The following IFRD1 variants were observed in gnomAD, a reference collection of about 807,000 sequenced individuals.
The protein encoded by IFRD1 is interferon related developmental regulator 1.
In IFRD1, 35 loss-of-function variants were observed where a neutral mutation model predicts 52.9. The ratio of observed to expected loss-of-function variants is 0.66; its 90% confidence interval spans 0.51 to 0.88. The LOEUF (loss-of-function observed/expected upper bound fraction) is 0.88, where lower values mean the gene tolerates loss of function less well. Ranked by LOEUF, IFRD1 falls within the 40% of genes least tolerant of loss-of-function variation. The pLI, the probability that IFRD1 is intolerant of heterozygous loss-of-function variation, is 0.00. For missense variants in IFRD1, 517 were observed against 550.8 expected, an observed-to-expected ratio of 0.94 and a Z score of 0.61; for synonymous variants, 184 against 188.4, an observed-to-expected ratio of 0.98 and a Z score of 0.19.
chr7:112,460,945 A>G (rs1486834006), intron 5 of IFRD1, among the ~76,000 whole-genome samples: 7 of 152,216 alleles, frequency 4.6e-5, no homozygotes, highest in Non-Finnish European at 8.8e-5. Flanking sequence ...ATTTGTTAAA[A>G]CAAATGTTCT....
rs113587787 is a variant in IFRD1 at position 112,443,254 on chromosome 7, G to A, written c.-181-7254G>A. ...ATTTAAGATTCTCTGGTGGTTGGCC[G>A]TAAGATTAGTACTACCACACGGAGA... On this transcript the variant is annotated intron_variant, in intron 1 of 12. Coordinates refer to the IFRD1 transcript ENST00000005558. 6.4e-3 allele frequency among the ~76,000 whole-genome samples: 972 copies of A among 152,220 alleles called. 13 individuals are homozygous for A. Among genetic ancestry groups the A allele is most frequent in the African/African-American group, 0.021 (885 of 41,524 alleles).
chr7:112,457,338 T>C (rs1313921944), intron 4 of IFRD1: 2 of 520,482 alleles, frequency 3.8e-6, no homozygotes, highest in Non-Finnish European at 3.4e-6. Flanking sequence ...AGCTTGAAAG[T>C]GTGTGTCAGA....
At chr7:112,467,362 G>A (rs1353459023) in intron 8 of IFRD1, 5 of 152,392 alleles carry the variant, frequency 3.3e-5, no homozygotes, top group Non-Finnish European at 5.9e-5. Flanking sequence ...CTCAAATAAA[G>A]AGACTTCTTA....
upstream of IFRD1, among the ~76,000 whole-genome samples, chr7:112,447,608 A>T (rs116195521): frequency 0.016 from 2,422 of 152,338 alleles, 64 homozygotes; most frequent in African/African-American, 0.056. Context: ...CTGAAGAAAA[A>T]GGCAAAGTCT....
chr7:112,466,307 T>C (rs1468459), intron 8 of IFRD1, among the ~76,000 whole-genome samples: 34 of 152,202 alleles, frequency 2.2e-4, no homozygotes, highest in Admixed American at 3.9e-4. Flanking sequence ...CTACTTAGCA[T>C]TTAATTTTTC....
chr7:112,434,134 T>A (rs1794614814), intron 1 of IFRD1, among the ~76,000 whole-genome samples: 1 of 152,230 alleles, frequency 6.6e-6, no homozygotes, highest in Non-Finnish European at 1.5e-5. Flanking sequence ...TCTTATTTTT[T>A]AATTGATGAG....
chr7:112,427,257 A>T (rs1794447853), intron 1 of IFRD1, among the ~76,000 whole-genome samples: 1 of 152,224 alleles, frequency 6.6e-6, no homozygotes, highest in Non-Finnish European at 1.5e-5. Flanking sequence ...TCATGACCTA[A>T]ACACCTCCAA....
At chr7:112,465,843 G>A (rs1795594946) in intron 8 of IFRD1, among the ~76,000 whole-genome samples, 1 of 152,088 alleles carries the variant, frequency 6.6e-6, no homozygotes, top group Admixed American at 6.6e-5. Context: ...AAAAAGGTGA[G>A]TTCTATATAC....
chr7:112,441,112 A>G (rs1199047311), intron 1 of IFRD1, among the ~76,000 whole-genome samples: 1 of 152,080 alleles, frequency 6.6e-6, no homozygotes, highest in East Asian at 1.9e-4. Context: ...TGTCTTTACG[A>G]AAAACACAAA....
upstream of IFRD1, among the ~76,000 whole-genome samples, chr7:112,449,479 G>C (rs561432837): frequency 3.3e-5 from 5 of 152,292 alleles, no homozygotes; most frequent in African/African-American, 1.2e-4. Context: ...TCAGCTGAGA[G>C]GTGGAGTGGC....
intron 3 of IFRD1, 51 bp downstream of exon 3, chr7:112,456,137 T>C: frequency 9.9e-7 from 1 of 1,008,494 alleles, no homozygotes; most frequent in Non-Finnish European, 1.6e-6. Context: ...TTGATCTTAG[T>C]CAAAAGCTAA....
chr7:112,456,215 A>G (rs1795288339), intron 3 of IFRD1, 129 bp downstream of exon 3: 1 of 715,758 alleles, frequency 1.4e-6, no homozygotes, highest in South Asian at 1.5e-5. Flanking sequence ...CAGCTCTCAG[A>G]TAATAGCAAT....
chr7:112,445,319 G>A (rs1795002591), intron 1 of IFRD1, among the ~76,000 whole-genome samples: 1 of 152,048 alleles, frequency 6.6e-6, no homozygotes, highest in Non-Finnish European at 1.5e-5. Flanking sequence ...GCCCACCTTG[G>A]CCTCCCAGAG....
At chr7:112,450,415 A>C (rs1309319722), upstream of IFRD1, 3 of 499,116 alleles carry the variant, frequency 6.0e-6, no homozygotes, top group Non-Finnish European at 1.1e-5. Context: ...GAGTGACGTC[A>C]GGTGGCGGTA....
intron 8 of IFRD1, among the ~76,000 whole-genome samples, chr7:112,465,864 A>G (rs1795595801): frequency 6.6e-6 from 1 of 152,198 alleles, no homozygotes; most frequent in South Asian, 2.1e-4. Flanking sequence ...CTCCAAGTCT[A>G]GAATATTGAT....
chr7:112,465,198 C>G (rs1041285849), intron 8 of IFRD1, among the ~76,000 whole-genome samples: 1 of 152,096 alleles, frequency 6.6e-6, no homozygotes, highest in Non-Finnish European at 1.5e-5. Flanking sequence ...TGTGTCTGGC[C>G]TCAAGTTTTA....
At chr7:112,472,935 C>G in intron 11 of IFRD1, 74 bp downstream of exon 11, 1 of 950,276 alleles carries the variant, frequency 1.1e-6, no homozygotes, top group Non-Finnish European at 1.7e-6. Context: ...AGCAACTTAG[C>G]TGTGTCTACC....
At chr7:112,463,892 ACACCC>A (rs1563269740) in intron 8 of IFRD1, among the ~76,000 whole-genome samples, 1 of 17,930 alleles carries the variant, frequency 5.6e-5, no homozygotes, top group South Asian at 1.4e-3. Context: ...ACACACACAC[ACACCC>A]CACGTATCTT....
At chr7:112,463,807 CACAT>C (rs759796430) in intron 8 of IFRD1, among the ~76,000 whole-genome samples, 4 of 150,078 alleles carry the variant, frequency 2.7e-5, no homozygotes, top group African/African-American at 4.9e-5. Context: ...TATATATAGA[CACAT>C]ACATACATGT....
Sources: allele counts gnomAD v4.1 joint callset (sites outside exome capture counted in the v4.1 genomes callset), GRCh38; gene constraint gnomAD v4.1.1; transcripts MANE v1.5; gene names NCBI Gene and HGNC (gene_info 2026-07-23, HGNC 2026-07-21).